The following ARHGAP23 variants were observed in gnomAD, a reference collection of about 807,000 sequenced individuals.
ARHGAP23 encodes Rho GTPase activating protein 23, also known as rho GTPase-activating protein 23.
A neutral mutation model predicts 136.3 loss-of-function variants in ARHGAP23; 34 were observed. The ratio of observed to expected loss-of-function variants is 0.25; its 90% CI spans 0.19 to 0.33. The LOEUF (loss-of-function observed/expected upper bound fraction) is 0.33. Among genes scored for constraint, ARHGAP23 ranks in the 10% least tolerant of loss-of-function variants. The probability of loss-of-function intolerance (pLI) is 1.00; values close to 1 mark genes in which losing one functional copy is unlikely to be tolerated. For synonymous variants in ARHGAP23, 832 were observed against 920.5 expected (o/e 0.90, Z 1.74); for missense variants, 1,808 against 2,139.0 (o/e 0.85, Z 3.05).
chr17:38,459,494 A>G (rs1026019896), intron 2 of ARHGAP23, among the ~76,000 whole-genome samples: 2 of 152,154 alleles, frequency 1.3e-5, no homozygotes, highest in Non-Finnish European at 2.9e-5. Flanking sequence ...CCCCTACTTC[A>G]TGCCCAAGGA....
intron 6 of ARHGAP23, among the ~76,000 whole-genome samples, chr17:38,464,160 C>T (rs1284590386): frequency 2.6e-5 from 4 of 152,264 alleles, no homozygotes; most frequent in Middle Eastern, 3.4e-3. Flanking sequence ...TGCGCCCACC[C>T]GTGTCACAGG....
intron 11 of ARHGAP23, among the ~76,000 whole-genome samples, chr17:38,476,645 G>A (rs2039898104): frequency 6.6e-6 from 1 of 152,206 alleles, no homozygotes; most frequent in Non-Finnish European, 1.5e-5. Context: ...TGACATCCTT[G>A]AGGGAGGTGT....
At chr17:38,494,800 G>A (rs2040354855) in intron 20 of ARHGAP23, among the ~76,000 whole-genome samples, 1 of 152,146 alleles carries the variant, frequency 6.6e-6, no homozygotes. Flanking sequence ...GGGAGAAAGG[G>A]CATCCCAGGC....
At chr17:38,440,950 C>T (rs529354063) in intron 1 of ARHGAP23, among the ~76,000 whole-genome samples, 10 of 152,334 alleles carry the variant, frequency 6.6e-5, no homozygotes, top group East Asian at 3.9e-4. Flanking sequence ...TAGAGGCCTC[C>T]AGAGGCTGCA....
Position 38,467,004 on chromosome 17 carries a change from T to C in ARHGAP23, c.1321T>C (p.Ser441Pro). Reference protein sequence around the residue: ...GLLHALSFRDSPFGGLPTFNL... With the variant: ...GLLHALSFRDPPFGGLPTFNL... Reference sequence around the variant, plus strand: ...CCTCCATGCGCTCTCCTTCCGGGACTCACCCTTTGGGGGGCTGCCTACCTT... The same window carrying C: ...CCTCCATGCGCTCTCCTTCCGGGACCCACCCTTTGGGGGGCTGCCTACCTT... Residue 441 changes from serine (S) to proline (P), a missense_variant, in exon 7 of 24, where the codon TCA becomes CCA. Transcript: ENST00000622683. The C allele has an allele frequency of 6.4e-7, 1 of 1,550,706 alleles. No individual in the cohort carries two copies.
rs1215827397 is a variant in ARHGAP23 at position 38,466,178 on chromosome 17, G to A, written c.495G>A (p.Gln165=). 4 of 1,504,384 alleles carry A rather than the reference G, an allele frequency of 2.7e-6. No individual in the cohort carries two copies. The Admixed American group carries it at 8.2e-5, about 31-fold the overall frequency. The allele number at this position is 1,504,384 out of a possible 1,614,324, so 93.2% of individuals were successfully genotyped here. ...DEDILQLAYS[Q]DAYLKGNEPY... ...GTGTCTCTGGCCAGGCCTACTCCCA[G>A]GATGCCTACCTGAAAGGGAACGAGC... The change falls in exon 7 of 24, where the codon CAG becomes CAA. Residue 165 remains glutamine (Q), a synonymous_variant. Transcript: ENST00000622683.
At chr17:38,436,841 T>C (rs1299215378) in intron 1 of ARHGAP23, among the ~76,000 whole-genome samples, 5 of 152,122 alleles carry the variant, frequency 3.3e-5, no homozygotes, top group African/African-American at 7.2e-5. Context: ...ATGGTAATCG[T>C]TGGAAAGTGA....
chr17:38,491,377 T>A, intron 19 of ARHGAP23, 30 bp from the exon 20 acceptor site: 1 of 1,549,604 alleles, frequency 6.5e-7, no homozygotes, highest in Non-Finnish European at 8.7e-7. Context: ...GTCAGGATGT[T>A]GACAGTGACC....
chr17:38,437,223 TG>T (rs2038816879), intron 1 of ARHGAP23, among the ~76,000 whole-genome samples: 1 of 150,668 alleles, frequency 6.6e-6, no homozygotes. Flanking sequence ...TTTTTTTTTT[TG>T]AGAGAGGGTT....
upstream of ARHGAP23, chr17:38,428,383 G>GGC (rs1454405539): frequency 1.3e-4 from 50 of 377,984 alleles, no homozygotes; most frequent in Middle Eastern, 7.9e-4. Context: ...CCCGGGGGGG[G>GGC]CCCCCCCACA....
chr17:38,429,455 C>G (rs1024943110), intron 1 of ARHGAP23, among the ~76,000 whole-genome samples: 1 of 152,232 alleles, frequency 6.6e-6, no homozygotes, highest in Non-Finnish European at 1.5e-5. Flanking sequence ...AGAAATTCCC[C>G]GGGGTCCAGG....
intron 23 of ARHGAP23, among the ~76,000 whole-genome samples, chr17:38,504,653 C>T (rs2040589912): frequency 1.3e-5 from 2 of 152,200 alleles, no homozygotes; most frequent in Non-Finnish European, 2.9e-5. Flanking sequence ...ATCCAAGCTC[C>T]CACGGCCTCC....
chr17:38,430,175 A>G (rs1839960943), intron 1 of ARHGAP23, among the ~76,000 whole-genome samples: 1 of 152,154 alleles, frequency 6.6e-6, no homozygotes, highest in Admixed American at 6.5e-5. Flanking sequence ...AACAGGAAGA[A>G]TGGGAGTGGG....
intron 20 of ARHGAP23, among the ~76,000 whole-genome samples, chr17:38,495,684 C>G (rs1444527613): frequency 1.3e-5 from 2 of 152,178 alleles, no homozygotes; most frequent in African/African-American, 4.8e-5. Flanking sequence ...GGCAAGTCCC[C>G]TTGTTTCCCC....
intron 23 of ARHGAP23, among the ~76,000 whole-genome samples, chr17:38,505,262 C>T (rs2040609039): frequency 6.6e-6 from 1 of 151,832 alleles, no homozygotes; most frequent in Non-Finnish European, 1.5e-5. Context: ...GCTGCCTCGG[C>T]CTCCCAAAGT....
At chr17:38,470,500 A>G (rs1305789781) in intron 10 of ARHGAP23, among the ~76,000 whole-genome samples, 1 of 152,236 alleles carries the variant, frequency 6.6e-6, no homozygotes, top group South Asian at 2.1e-4. Flanking sequence ...TCCCAGCCTC[A>G]GGACCTGGGG....
At chr17:38,430,206 C>T (rs766771067) in intron 1 of ARHGAP23, among the ~76,000 whole-genome samples, 187 of 152,102 alleles carry the variant, frequency 1.2e-3, no homozygotes, top group Admixed American at 1.5e-3. Context: ...GTTGGTGTCC[C>T]ATTTCACAGA....
chr17:38,501,569 G>A (rs2040521918), intron 23 of ARHGAP23, among the ~76,000 whole-genome samples: 1 of 152,036 alleles, frequency 6.6e-6, no homozygotes, highest in African/African-American at 2.4e-5. Context: ...CGAAAGTGCT[G>A]GGATTACAGG....
At chr17:38,481,738 G>A (rs1322497127) in intron 14 of ARHGAP23, among the ~76,000 whole-genome samples, 3 of 152,156 alleles carry the variant, frequency 2.0e-5, no homozygotes, top group Non-Finnish European at 2.9e-5. Flanking sequence ...CAGCCTGAGC[G>A]ACAGAGACTC....
Sources: gnomAD v4.1 joint callset for allele counts (sites outside exome capture counted in the v4.1 genomes callset) on GRCh38, gnomAD v4.1.1 for gene constraint, MANE v1.5 for transcripts, NCBI Gene and HGNC (gene_info 2026-07-23, HGNC 2026-07-21) for gene names.